Variants in P2RY14 observed in about 807,000 individuals in gnomAD.
P2RY14 encodes the protein purinergic receptor P2Y14, also known as P2Y purinoceptor 14.
A neutral mutation model predicts 0.9 loss-of-function variants in P2RY14; 2 were observed. That is an observed-to-expected ratio of 2.16 (90% CI 0.88 to 6.79). The LOEUF (loss-of-function observed/expected upper bound fraction) is 6.79, where lower values mean the gene tolerates loss of function less well. Ranked by LOEUF, P2RY14 falls within the 30% of genes most tolerant of loss-of-function variation. The pLI is 0.05. For synonymous variants in P2RY14, 158 were observed against 147.2 expected (o/e 1.07, Z -0.53); for missense variants, 378 against 400.1 (o/e 0.94, Z 0.47).
chr3:151,274,143 G>A (rs536690321), intron 1 of P2RY14, among the ~76,000 whole-genome samples: 22 of 152,254 alleles, frequency 1.4e-4, no homozygotes, highest in African/African-American at 3.4e-4. Flanking sequence ...AAAAGGCCTC[G>A]CTGCCACAAA....
intron 1 of P2RY14, among the ~76,000 whole-genome samples, chr3:151,239,363 T>A (rs1207742075): frequency 6.6e-6 from 1 of 152,158 alleles, no homozygotes; most frequent in Non-Finnish European, 1.5e-5. Flanking sequence ...AAGAAGAAAA[T>A]CCAGAAGGCC....
At chr3:151,265,831 G>A (rs1739721457) in intron 1 of P2RY14, among the ~76,000 whole-genome samples, 1 of 152,134 alleles carries the variant, frequency 6.6e-6, no homozygotes, top group African/African-American at 2.4e-5. Context: ...ATTAAAGTCA[G>A]AACACCTATG....
chr3:151,214,389 A>T, intron 2 of P2RY14, 49 bp from the exon 3 acceptor site: 1 of 1,287,502 alleles, frequency 7.8e-7, no homozygotes, highest in South Asian at 1.4e-5. Context: ...ATGGCCTCCA[A>T]GACATTTGCT....
intron 1 of P2RY14, among the ~76,000 whole-genome samples, chr3:151,226,046 C>T (rs1430219418): frequency 6.6e-6 from 1 of 152,160 alleles, no homozygotes; most frequent in East Asian, 1.9e-4. Flanking sequence ...TATGGAAACA[C>T]ATCAGGGAAC....
chr3:151,271,453 T>C (rs928546983), intron 1 of P2RY14, among the ~76,000 whole-genome samples: 13 of 152,208 alleles, frequency 8.5e-5, no homozygotes, highest in Non-Finnish European at 1.5e-4. Context: ...TCACTTCTTA[T>C]CAAGTTAAAC....
chr3:151,260,968 T>C (rs951771837), intron 1 of P2RY14, among the ~76,000 whole-genome samples: 4 of 151,478 alleles, frequency 2.6e-5, no homozygotes, highest in Non-Finnish European at 4.4e-5. Context: ...TCCTTGATGG[T>C]GTGGATGTGT....
intron 1 of P2RY14, among the ~76,000 whole-genome samples, chr3:151,241,407 C>T (rs964551921): frequency 1.3e-5 from 2 of 151,958 alleles, no homozygotes; most frequent in African/African-American, 4.8e-5. Flanking sequence ...TTTTTTTCTC[C>T]TCAGGCTATC....
intron 1 of P2RY14, among the ~76,000 whole-genome samples, chr3:151,274,713 TATAAGTTATA>T (rs1005514425): frequency 6.6e-6 from 1 of 152,202 alleles, no homozygotes; most frequent in African/African-American, 2.4e-5. Flanking sequence ...AATGTAATCT[TATAAGTTATA>T]ATATGTCCAA....
intron 1 of P2RY14, among the ~76,000 whole-genome samples, chr3:151,242,803 C>G (rs1483220655): frequency 6.6e-6 from 1 of 151,330 alleles, no homozygotes; most frequent in African/African-American, 2.4e-5. Context: ...AGGCTTCAGA[C>G]GATCAAATTA....
intron 1 of P2RY14, among the ~76,000 whole-genome samples, chr3:151,224,585 C>T (rs1338223823): frequency 6.6e-6 from 1 of 152,112 alleles, no homozygotes; most frequent in African/African-American, 2.4e-5. Context: ...TTCTGCATTC[C>T]TGTGGCACTC....
chr3:151,223,342 A>G (rs1729793417), intron 1 of P2RY14, among the ~76,000 whole-genome samples: 1 of 152,226 alleles, frequency 6.6e-6, no homozygotes, highest in African/African-American at 2.4e-5. Context: ...ATTACTAGGT[A>G]TATACTCAAA....
chr3:151,234,160 C>G (rs1441031242), intron 1 of P2RY14, among the ~76,000 whole-genome samples: 3 of 152,084 alleles, frequency 2.0e-5, no homozygotes, highest in African/African-American at 7.2e-5. Context: ...TTTGTAATAG[C>G]AAAAATATGG....
At chr3:151,246,175 C>T (rs980609290) in intron 1 of P2RY14, among the ~76,000 whole-genome samples, 95 of 152,218 alleles carry the variant, frequency 6.2e-4, no homozygotes, top group African/African-American at 2.2e-3. Flanking sequence ...GAATAAATAT[C>T]GTGAAAATGG....
intron 1 of P2RY14, among the ~76,000 whole-genome samples, chr3:151,240,049 T>TTG (rs1553754052): frequency 2.6e-5 from 4 of 151,518 alleles, no homozygotes; most frequent in South Asian, 2.1e-4. Flanking sequence ...TTTTTTTTTT[T>TTG]TGTGTGTGTG....
intron 2 of P2RY14, among the ~76,000 whole-genome samples, chr3:151,215,444 A>G (rs1204655357): frequency 6.6e-6 from 1 of 152,178 alleles, no homozygotes; most frequent in Admixed American, 6.5e-5. Context: ...AATAAAATAT[A>G]TTATTACTCT....
intron 1 of P2RY14, among the ~76,000 whole-genome samples, chr3:151,237,182 G>C (rs1431222537): frequency 1.3e-5 from 2 of 151,422 alleles, no homozygotes; most frequent in African/African-American, 4.9e-5. Flanking sequence ...GGGACTACAG[G>C]TGCATGCCAC....
intron 2 of P2RY14, among the ~76,000 whole-genome samples, chr3:151,217,083 G>C (rs1728388939): frequency 6.6e-6 from 1 of 152,048 alleles, no homozygotes; most frequent in Non-Finnish European, 1.5e-5. Context: ...TGTTATTTTG[G>C]AAAACAGAAA....
At chr3:151,249,716 TG>T (rs1411191078) in intron 1 of P2RY14, among the ~76,000 whole-genome samples, 1 of 152,206 alleles carries the variant, frequency 6.6e-6, no homozygotes, top group African/African-American at 2.4e-5. Flanking sequence ...GACTTAAATC[TG>T]GTTTCACAAC....
intron 1 of P2RY14, among the ~76,000 whole-genome samples, chr3:151,221,887 G>A (rs768692170): frequency 2.0e-5 from 3 of 152,202 alleles, no homozygotes; most frequent in Non-Finnish European, 4.4e-5. Flanking sequence ...CTCCAGAATA[G>A]TAGATCCCCT....
Sources: allele counts gnomAD v4.1 joint callset (sites outside exome capture counted in the v4.1 genomes callset), GRCh38; gene constraint gnomAD v4.1.1; transcripts MANE v1.5; gene names NCBI Gene and HGNC (gene_info 2026-07-23, HGNC 2026-07-21).